Variants in ARHGAP26 observed in about 807,000 individuals in gnomAD.
ARHGAP26 encodes the protein rho GTPase-activating protein 26.
ARHGAP26 carries 38 observed loss-of-function variants against 104.8 expected under a neutral mutation model. The observed-to-expected ratio is 0.36, with a 90% confidence interval of 0.28 to 0.48. ARHGAP26 has a LOEUF of 0.48. Ranked by LOEUF, ARHGAP26 falls within the 20% of genes least tolerant of loss-of-function variation. The pLI is 0.99. For missense variants in ARHGAP26, 704 were observed against 947.9 expected (o/e 0.74, Z 3.38); for synonymous variants, 341 against 340.0 (o/e 1.00, Z -0.03).
At chr5:143,070,331 T>A (rs958481603) in intron 17 of ARHGAP26, among the ~76,000 whole-genome samples, 6 of 152,176 alleles carry the variant, frequency 3.9e-5, no homozygotes, top group African/African-American at 1.4e-4. Flanking sequence ...CTAACCAGAT[T>A]GTTAATGAAG....
At position 142,989,786 on chromosome 5, in the gene ARHGAP26, C is replaced by G. The variant is rs981620663; in HGVS notation, c.1108-24294C>G. On this transcript the variant is annotated intron_variant, in intron 11 of 22. Coordinates refer to ENST00000645722, the MANE Select transcript of ARHGAP26 (RefSeq NM_001135608.3). ...TTTAAGAATGTTGAATATTGGCCCCCACTCTTCTGACTTGTAGAGTTTCTG... is the reference window on the plus strand; with the variant it reads ...TTTAAGAATGTTGAATATTGGCCCCGACTCTTCTGACTTGTAGAGTTTCTG... Among the ~76,000 whole-genome samples the G allele has an allele frequency of 3.3e-4, 50 of 152,190 alleles. 1 individual carries two copies. Among genetic ancestry groups the G allele is most frequent in the Admixed American group, 3.9e-4 (6 of 15,280 alleles).
intron 12 of ARHGAP26, among the ~76,000 whole-genome samples, chr5:143,015,814 C>G (rs1362215910): frequency 6.6e-6 from 1 of 152,234 alleles, no homozygotes; most frequent in Non-Finnish European, 1.5e-5. Flanking sequence ...CTACATCTCT[C>G]TACTTGGGAT....
chr5:143,059,282 G>A (rs1786335657), intron 17 of ARHGAP26, among the ~76,000 whole-genome samples: 1 of 152,202 alleles, frequency 6.6e-6, no homozygotes, highest in Non-Finnish European at 1.5e-5. Context: ...AGCAGCTGGA[G>A]AAGGGTTAGG....
chr5:143,059,227 G>A (rs1250253058), intron 17 of ARHGAP26, among the ~76,000 whole-genome samples: 1 of 152,170 alleles, frequency 6.6e-6, no homozygotes, highest in Non-Finnish European at 1.5e-5. Flanking sequence ...GCTCATGACT[G>A]CTTCATGGCC....
intron 11 of ARHGAP26, among the ~76,000 whole-genome samples, chr5:142,983,800 T>C (rs2152736092): frequency 6.6e-6 from 1 of 152,354 alleles, no homozygotes; most frequent in Middle Eastern, 3.4e-3. Context: ...TGTGTTTATA[T>C]ATATCTAGAC....
At chr5:143,002,648 T>G (rs1777363762) in intron 11 of ARHGAP26, among the ~76,000 whole-genome samples, 2 of 152,224 alleles carry the variant, frequency 1.3e-5, no homozygotes, top group Non-Finnish European at 2.9e-5. Context: ...TGTCATGCAC[T>G]TGATAGCAAA....
rs528447449 is a variant in ARHGAP26 at position 143,023,590 on chromosome 5, G to C, written c.1144+9474G>C. Among the ~76,000 whole-genome samples, 15 of 152,324 alleles carry C rather than the reference G, an allele frequency of 9.8e-5. No individual in the cohort carries two copies. The South Asian group carries it at 3.1e-3, about 32-fold the overall frequency. ...TAGAACACCCACAGTTGAGAGGCAG[G>C]AGGAGGCAGCCACCGGTAACCAGGA... is the stretch of plus-strand genomic sequence containing the variant. On this transcript the variant is annotated intron_variant, in intron 12 of 22. Transcript: ENST00000645722.
intron 11 of ARHGAP26, among the ~76,000 whole-genome samples, chr5:142,934,524 C>T (rs963243842): frequency 6.6e-6 from 1 of 152,150 alleles, no homozygotes; most frequent in African/African-American, 2.4e-5. Flanking sequence ...TTGCTGAAAG[C>T]CTCTAGGGGA....
chr5:142,967,894 G>T (rs1771650803), intron 11 of ARHGAP26, among the ~76,000 whole-genome samples: 1 of 152,168 alleles, frequency 6.6e-6, no homozygotes, highest in African/African-American at 2.4e-5. Flanking sequence ...GCAAGAGTTT[G>T]CTAGAAGTTC....
chr5:143,055,819 T>C (rs1272167635), intron 15 of ARHGAP26, among the ~76,000 whole-genome samples: 8 of 152,202 alleles, frequency 5.3e-5, no homozygotes, highest in Non-Finnish European at 1.0e-4. Context: ...TGAAACATAG[T>C]TGTGTCTATT....
Position 142,876,837 on chromosome 5 carries a change from T to C in ARHGAP26, c.312+1666T>C, listed in dbSNP as rs572401225. On this transcript the variant is annotated intron_variant, in intron 3 of 22. Coordinates refer to ENST00000645722, the MANE Select transcript of ARHGAP26 (RefSeq NM_001135608.3). ...TAAAACTCCAAACAGAGTAGAAACC[T>C]CTTACCTTTTGCCCTACGGAAAGAC... 7.6e-4 allele frequency among the ~76,000 whole-genome samples: 106 copies of C among 139,890 alleles called. 1 individual carries two copies. The highest frequency in any genetic ancestry group is 2.6e-3 in the African/African-American group (98 of 38,278). The allele number at this position is 139,890 out of a possible 152,430, so 91.8% of individuals were successfully genotyped here.
intron 6 of ARHGAP26, among the ~76,000 whole-genome samples, chr5:142,896,364 A>G (rs1322569785): frequency 6.6e-6 from 1 of 151,886 alleles, no homozygotes; most frequent in Non-Finnish European, 1.5e-5. Flanking sequence ...TTTTGAGGTG[A>G]GTGTTTTGTT....
chr5:142,970,630 A>G (rs1261808561), intron 11 of ARHGAP26, among the ~76,000 whole-genome samples: 2 of 152,230 alleles, frequency 1.3e-5, no homozygotes, highest in African/African-American at 4.8e-5. Flanking sequence ...GAGGGCAGAT[A>G]GAATATGCTG....
chr5:142,973,447 A>G (rs1772573611), intron 11 of ARHGAP26, among the ~76,000 whole-genome samples: 1 of 152,252 alleles, frequency 6.6e-6, no homozygotes, highest in Non-Finnish European at 1.5e-5. Flanking sequence ...TCTTCCTTGT[A>G]TATAAATAAT....
intron 17 of ARHGAP26, among the ~76,000 whole-genome samples, chr5:143,118,508 C>T (rs1328520746): frequency 6.6e-6 from 1 of 152,156 alleles, no homozygotes; most frequent in East Asian, 1.9e-4. Context: ...CAGTGGCTCA[C>T]GCCTATAATT....
In ARHGAP26 at chr5:143,222,810, A is replaced by G. The variant is rs938114412; in HGVS notation, c.*364A>G. Reference sequence around the variant, plus strand: ...TCAGATAGAAATAGTCCCTGAGAGCACACTGTGTAGCTAAGCCTGCTGGGG... The same window carrying G: ...TCAGATAGAAATAGTCCCTGAGAGCGCACTGTGTAGCTAAGCCTGCTGGGG... On this transcript the variant is annotated 3_prime_UTR_variant, in exon 23 of 23. Coordinates refer to ENST00000645722, the MANE Select transcript of ARHGAP26 (RefSeq NM_001135608.3). 1.7e-5 allele frequency: 4 copies of G among 239,622 alleles called. No individual in the cohort carries two copies. Among genetic ancestry groups the G allele is most frequent in the African/African-American group, 8.8e-5 (4 of 45,690 alleles). 14.8% of individuals were successfully genotyped at this position (239,622 alleles called of 1,614,324 possible). A position where few individuals can be genotyped will look rare whatever the true frequency, so the allele number is the denominator to read the frequency against.
chr5:143,101,401 G>GAAGGCCCACATTA (rs1467176518), intron 17 of ARHGAP26, among the ~76,000 whole-genome samples: 1 of 152,072 alleles, frequency 6.6e-6, no homozygotes, highest in Non-Finnish European at 1.5e-5. Context: ...TCTGCTCAGG[G>GAAGGCCCACATTA]AGTGGGCCTT....
chr5:142,963,163 GGT>G (rs1293887546), intron 11 of ARHGAP26, among the ~76,000 whole-genome samples: 4,496 of 111,814 alleles, frequency 0.04, 611 homozygotes, highest in African/African-American at 0.15. Context: ...AGTATTCCAT[GGT>G]ATATATGTAT....
At chr5:143,063,447 C>G (rs1046899209) in intron 17 of ARHGAP26, among the ~76,000 whole-genome samples, 1 of 152,170 alleles carries the variant, frequency 6.6e-6, no homozygotes, top group Admixed American at 6.5e-5. Context: ...AAAAAAACTT[C>G]AAAGGCAGCT....
Sources: allele counts gnomAD v4.1 joint callset (sites outside exome capture counted in the v4.1 genomes callset), GRCh38; gene constraint gnomAD v4.1.1; transcripts MANE v1.5; gene names NCBI Gene and HGNC (gene_info 2026-07-23, HGNC 2026-07-21).